Variants in CREB5 observed in about 807,000 individuals in gnomAD.
CREB5 encodes cyclic AMP-responsive element-binding protein 5.
Under a neutral mutation model 57.1 loss-of-function variants are expected in CREB5, and 19 were observed. The observed-to-expected ratio is 0.33, with a 90% CI of 0.23 to 0.49. The LOEUF (loss-of-function observed/expected upper bound fraction) is 0.49. Among genes scored for constraint, CREB5 ranks in the 20% least tolerant of loss-of-function variants. The pLI is 0.99. For synonymous variants in CREB5, 238 were observed against 238.3 expected, an observed-to-expected ratio of 1.00 and a Z score of 0.01; for missense variants, 579 against 671.6, an observed-to-expected ratio of 0.86 and a Z score of 1.52.
chr7:28,312,819 C>T (rs1362147223), intron 1 of CREB5, among the ~76,000 whole-genome samples: 2 of 152,174 alleles, frequency 1.3e-5, no homozygotes, highest in Non-Finnish European at 2.9e-5. Flanking sequence ...TAATGTATTC[C>T]AGTTCTCTTT....
intron 7 of CREB5, among the ~76,000 whole-genome samples, chr7:28,802,327 T>C (rs1197996667): frequency 1.3e-5 from 2 of 152,154 alleles, no homozygotes; most frequent in East Asian, 3.9e-4. Flanking sequence ...TTTTATTTAT[T>C]TTTTTTCTTA....
intron 1 of CREB5, among the ~76,000 whole-genome samples, chr7:28,418,316 A>G (rs139020663): frequency 3.1e-3 from 468 of 152,314 alleles, no homozygotes; most frequent in African/African-American, 0.011. Context: ...CCTGTTTTTT[A>G]TAATACACCA....
intron 6 of CREB5, 124 bp from the exon 7 acceptor site, chr7:28,724,097 CA>C: frequency 1.3e-6 from 1 of 765,728 alleles, no homozygotes; most frequent in South Asian, 1.9e-5. Context: ...CACACCAAAC[CA>C]TAGGCCTTCT....
chr7:28,628,121 C>T (rs1194736329), intron 5 of CREB5, among the ~76,000 whole-genome samples: 2 of 151,954 alleles, frequency 1.3e-5, no homozygotes, highest in Non-Finnish European at 1.5e-5. Context: ...CTTCTTACTA[C>T]GGTATTGCCC....
intron 1 of CREB5, among the ~76,000 whole-genome samples, chr7:28,486,667 A>AC (rs1791558830): frequency 3.2e-5 from 1 of 30,818 alleles, no homozygotes; most frequent in East Asian, 5.5e-4. Context: ...ATCTCCTATG[A>AC]TTTTATATAT....
chr7:28,605,570 G>C (rs915378515), intron 5 of CREB5, among the ~76,000 whole-genome samples: 1 of 152,128 alleles, frequency 6.6e-6, no homozygotes, highest in Non-Finnish European at 1.5e-5. Context: ...AATACTCCAG[G>C]AGGAAATGAA....
chr7:28,430,106 C>G (rs1456791987), intron 1 of CREB5, among the ~76,000 whole-genome samples: 2 of 152,126 alleles, frequency 1.3e-5, no homozygotes, highest in South Asian at 2.1e-4. Flanking sequence ...TTCAGAGGTG[C>G]CTGTGTTGTT....
At chr7:28,519,539 G>A (rs1369376264) in intron 4 of CREB5, among the ~76,000 whole-genome samples, 2 of 152,136 alleles carry the variant, frequency 1.3e-5, no homozygotes, top group Non-Finnish European at 2.9e-5. Flanking sequence ...GGTGGTAATG[G>A]GTTTGCACAA....
At chr7:28,345,202 A>G (rs979070750) in intron 1 of CREB5, among the ~76,000 whole-genome samples, 3 of 152,186 alleles carry the variant, frequency 2.0e-5, no homozygotes, top group African/African-American at 7.2e-5. Context: ...AGTGCAGCAG[A>G]ATATACATTC....
At chr7:28,545,598 T>C (rs900346585) in intron 4 of CREB5, among the ~76,000 whole-genome samples, 1 of 152,200 alleles carries the variant, frequency 6.6e-6, no homozygotes, top group Admixed American at 6.5e-5. Context: ...AAGAAACATA[T>C]GTATATATAT....
chr7:28,625,498 G>T (rs1217884801), intron 5 of CREB5, among the ~76,000 whole-genome samples: 1 of 152,166 alleles, frequency 6.6e-6, no homozygotes, highest in East Asian at 1.9e-4. Context: ...TAGTCAAAAA[G>T]AAGAGGGTCC....
intron 5 of CREB5, among the ~76,000 whole-genome samples, chr7:28,668,237 GC>G (rs1330817085): frequency 6.6e-6 from 1 of 152,048 alleles, no homozygotes; most frequent in African/African-American, 2.4e-5. Context: ...TAAATTCTTT[GC>G]TAGCTTAATG....
intron 4 of CREB5, among the ~76,000 whole-genome samples, chr7:28,520,527 C>T (rs555073095): frequency 1.3e-5 from 2 of 152,346 alleles, no homozygotes; most frequent in African/African-American, 2.4e-5. Context: ...CCCTTCCCAA[C>T]GGCTGTTTGG....
intron 1 of CREB5, among the ~76,000 whole-genome samples, chr7:28,406,678 CT>C (rs1787587497): frequency 1.3e-5 from 2 of 152,226 alleles, no homozygotes; most frequent in African/African-American, 4.8e-5. Flanking sequence ...TGGAGGCACC[CT>C]TAGAGATGCT....
chr7:28,809,115 G>T, intron 8 of CREB5, 72 bp from the exon 9 acceptor site: 1 of 1,386,266 alleles, frequency 7.2e-7, no homozygotes, highest in Non-Finnish European at 9.9e-7. Context: ...TTTAACATCA[G>T]CTTGGGTTTC....
rs184975505 is a variant in CREB5, at chr7:28,661,433, C to T, written c.465-57320C>T. Among the ~76,000 whole-genome samples the T allele has an allele frequency of 1.8e-3, 266 of 151,264 alleles. 1 individual carries two copies. The highest frequency in any genetic ancestry group is 0.013 in the South Asian group (62 of 4,744). The stretch of plus-strand genomic sequence containing the variant: ...CTCATTTCTCTACCCACCCTCCCCA[C>T]CCCTCTGGCTCCCTGGAGCCCAGGC... On this transcript the variant is annotated intron_variant, in intron 5 of 10. Transcript: ENST00000357727.
intron 1 of CREB5, among the ~76,000 whole-genome samples, chr7:28,422,321 C>A (rs1198693174): frequency 6.6e-6 from 1 of 152,066 alleles, no homozygotes; most frequent in Admixed American, 6.6e-5. Context: ...AATTTTGGAA[C>A]AAGTAGACCT....
intron 1 of CREB5, among the ~76,000 whole-genome samples, chr7:28,451,894 C>A (rs1358778780): frequency 2.0e-5 from 3 of 152,154 alleles, no homozygotes; most frequent in African/African-American, 7.2e-5. Context: ...GTTTCCCAAG[C>A]AGATACTGCA....
intron 5 of CREB5, among the ~76,000 whole-genome samples, chr7:28,703,871 A>G (rs1281769122): frequency 6.6e-6 from 1 of 152,232 alleles, no homozygotes; most frequent in Non-Finnish European, 1.5e-5. Flanking sequence ...TGGGCAACCC[A>G]TGGCCCAGTC....
Sources: gnomAD v4.1 joint callset for allele counts (sites outside exome capture counted in the v4.1 genomes callset) on GRCh38, gnomAD v4.1.1 for gene constraint, MANE v1.5 for transcripts, NCBI Gene and HGNC (gene_info 2026-07-23, HGNC 2026-07-21) for gene names.